Variants in WDR11 observed in about 807,000 individuals in gnomAD.
WDR11 encodes WD repeat-containing protein 11.
A neutral mutation model predicts 151.2 loss-of-function variants in WDR11; 83 were observed. The observed-to-expected ratio is 0.55, with a 90% CI of 0.46 to 0.66. The LOEUF (loss-of-function observed/expected upper bound fraction) is 0.66, where lower values mean the gene tolerates loss of function less well. WDR11 is among the 30% of genes least tolerant of loss of function. WDR11 has a pLI of 0.00. For synonymous variants in WDR11, 484 were observed against 533.1 expected, an observed-to-expected ratio of 0.91 and a Z score of 1.27; for missense variants, 1,301 against 1,480.9, an observed-to-expected ratio of 0.88 and a Z score of 1.99.
intron 2 of WDR11, 108 bp from the exon 3 acceptor site, chr10:120,858,535 G>A: frequency 7.5e-7 from 1 of 1,326,250 alleles, no homozygotes; most frequent in Non-Finnish European, 1.1e-6. Flanking sequence ...CTTGCTAAAT[G>A]TTTATGTAAT....
At position 120,904,809 on chromosome 10, in the gene WDR11, C is replaced by G; in HGVS notation, c.3191C>G (p.Ala1064Gly). 6.2e-7 allele frequency: 1 copy of G among 1,614,134 alleles called. No individual in the cohort carries two copies. The highest frequency in any genetic ancestry group is 8.5e-7 in the Non-Finnish European group (1 of 1,180,020). ...ATNMIANGKLAEGVQLLCLID... is the reference protein window; with the variant it reads ...ATNMIANGKLGEGVQLLCLID... ...AATATGATTGCCAATGGCAAATTGG[C>G]AGGTAAGGCACACTTGATATGTTTG... is the stretch of plus-strand genomic sequence containing the variant. The change falls in exon 25 of 29, where the codon GCA (alanine) becomes GGA (glycine). Residue 1064 changes from alanine (A) to glycine (G), a missense_variant and splice_region_variant. Physicochemically the swap from Ala to Gly is moderately conservative, Grantham distance 60. Around this residue, in one of 3 missense-constraint regions of WDR11, gnomAD observed 589 missense variants for 670.6 expected, o/e 0.88. Coordinates refer to ENST00000263461, the MANE Select transcript of WDR11 (RefSeq NM_018117.12).
chr10:120,899,286 A>G (rs554055158), intron 19 of WDR11, among the ~76,000 whole-genome samples: 4 of 152,294 alleles, frequency 2.6e-5, no homozygotes. Context: ...CACAGGTGGC[A>G]TGATCCCTTC....
In WDR11 at chr10:120,906,866, C is replaced by A; in HGVS notation, c.3517+11C>A. The A allele has an allele frequency of 6.2e-7, 1 of 1,614,050 alleles. No individual in the cohort carries two copies. Among genetic ancestry groups the A allele is most frequent in the Non-Finnish European group, 8.5e-7 (1 of 1,179,990 alleles). ...TCACTGAGGACACAGATATCCTTTG[C>A]AAGGTTGTTTGTAGTGACGAGGAAG... On this transcript the variant is annotated intron_variant, in intron 28 of 28. Transcript: ENST00000263461.
Position 120,878,430 on chromosome 10 carries a change from A to G in WDR11, c.1634A>G (p.Asn545Ser). The change falls in exon 12 of 29, where the codon AAT (asparagine) becomes AGT (serine). Residue 545 changes from asparagine (N) to serine (S), a missense_variant. This residue lies in a region of WDR11 where 692 missense variants were observed against 762.5 expected (regional missense o/e 0.91). Coordinates refer to ENST00000263461, the MANE Select transcript of WDR11 (RefSeq NM_018117.12). ...CCAAACAATATGGGATTAGTGAGAA[A>G]TGAACTTCAACTGGTTGATCTTCCA... ...STPNNMGLVR[N>S]ELQLVDLPTG... is the part of the protein sequence containing the mutation. The G allele has an allele frequency of 6.2e-7, 1 of 1,613,316 alleles. No individual in the cohort carries two copies. The highest frequency in any genetic ancestry group is 8.5e-7 in the Non-Finnish European group (1 of 1,179,548).
intron 23 of WDR11, 24 bp downstream of exon 23, chr10:120,903,256 C>T (rs1847898350): frequency 1.2e-6 from 2 of 1,613,168 alleles, no homozygotes; most frequent in Admixed American, 1.7e-5. Context: ...CACAGCAAAA[C>T]CTTTAGAGCT....
At chr10:120,874,205 G>GTTTTTTTTTTTTTTTTTT (rs1564703329) in intron 11 of WDR11, among the ~76,000 whole-genome samples, 1 of 78,516 alleles carries the variant, frequency 1.3e-5, no homozygotes, top group Non-Finnish European at 2.6e-5. Flanking sequence ...TGTTGTTGTT[G>GTTTTTTTTTTTTTTTTTT]TTGTTTGTTT....
Position 120,860,649 on chromosome 10 carries a change from T to G in WDR11, c.526+367T>G, listed in dbSNP as rs17100996. Among the ~76,000 whole-genome samples the G allele has an allele frequency of 9.3e-4, 141 of 152,284 alleles. 2 individuals are homozygous for G. The East Asian group carries it at 0.026, about 28-fold the overall frequency. ...TCATTCAGTCTGTGGCCAAGTTAAG[T>G]TCTTGCTTTTTAATAAATTGTCCTA... On this transcript the variant is annotated intron_variant, in intron 4 of 28. Transcript: ENST00000263461.
rs1248482644 is a variant in WDR11 at position 120,885,320 on chromosome 10, C to G, written c.1849-494C>G. ...ACACACACACACACACATATAAACA[C>G]AATACTATTTAGGTAAATTAGATAA... On this transcript the variant is annotated intron_variant, in intron 14 of 28. Transcript: ENST00000263461. Among the ~76,000 whole-genome samples the G allele has an allele frequency of 1.3e-5, 2 of 151,074 alleles. 1 individual carries two copies.
At position 120,909,195 on chromosome 10, in the gene WDR11, C is replaced by T. The variant is rs948348059; in HGVS notation, c.*482C>T. On this transcript the variant is annotated 3_prime_UTR_variant, in exon 29 of 29. Coordinates refer to ENST00000263461, the MANE Select transcript of WDR11 (RefSeq NM_018117.12). ...TTAAACTAGTATTAAAGGTAGTTTA[C>T]CAAAGCATTTTTTGTTTTCTTACCT... 2 of 159,028 alleles carry T rather than the reference C, an allele frequency of 1.3e-5. No individual in the cohort carries two copies. Among genetic ancestry groups the T allele is most frequent in the Non-Finnish European group, 2.8e-5 (2 of 71,654 alleles). The allele number at this position is 159,028 out of a possible 1,614,324, so 9.9% of individuals were successfully genotyped here.
intron 27 of WDR11, chr10:120,906,551 A>G (rs1237590546): frequency 5.7e-6 from 8 of 1,399,162 alleles, no homozygotes; most frequent in Non-Finnish European, 6.5e-6. Flanking sequence ...TATTTAAACT[A>G]TTTCACAATT....
At chr10:120,898,505 C>T (rs6585674) in intron 19 of WDR11, among the ~76,000 whole-genome samples, 56,589 of 151,972 alleles carry the variant, frequency 0.37, 10,633 homozygotes, top group Admixed American at 0.44. Context: ...TTGCACAGTC[C>T]AGAGTTGATG....
Position 120,859,929 on chromosome 10 carries a change from A to T in WDR11, c.353-180A>T, listed in dbSNP as rs561356800. ...ACCAGACAACTTATTTTTATATAGA[A>T]TTAGTTTTTTCTCTGGAATATTGAT... On this transcript the variant is annotated intron_variant, in intron 3 of 28. Coordinates refer to ENST00000263461, the MANE Select transcript of WDR11 (RefSeq NM_018117.12). Among the ~76,000 whole-genome samples, 18 of 146,570 alleles carry T rather than the reference A, an allele frequency of 1.2e-4. No individual in the cohort carries two copies. In the East Asian group the frequency reaches 3.4e-3, roughly 27 times the overall value.
chr10:120,895,228 T>C (rs942826634), intron 19 of WDR11, among the ~76,000 whole-genome samples: 1 of 152,210 alleles, frequency 6.6e-6, no homozygotes, highest in African/African-American at 2.4e-5. Context: ...ACATTTACCA[T>C]TTCCAAACAT....
At chr10:120,906,296 T>G in intron 27 of WDR11, 2 of 1,317,016 alleles carry the variant, frequency 1.5e-6, no homozygotes, top group Non-Finnish European at 1.9e-6. Flanking sequence ...AGAATTGGGG[T>G]CCATTCAGCT....
At position 120,909,118 on chromosome 10, in the gene WDR11, G is replaced by A. The variant is rs1848189592; in HGVS notation, c.*405G>A. 4.0e-6 allele frequency: 1 copy of A among 247,074 alleles called. No homozygotes were observed. The highest frequency in any genetic ancestry group is 5.1e-5 in the Admixed American group (1 of 19,514). 15.3% of individuals were successfully genotyped at this position (247,074 alleles called of 1,614,324 possible). ...AGATGTTTTCTCAAATATATGCTGT[G>A]CCTGTACTTATATACAGTCTTTCAA... On this transcript the variant is annotated 3_prime_UTR_variant, in exon 29 of 29. Transcript: ENST00000263461.
At chr10:120,877,454 C>G (rs1846834397) in intron 11 of WDR11, among the ~76,000 whole-genome samples, 1 of 152,008 alleles carries the variant, frequency 6.6e-6, no homozygotes. Flanking sequence ...AAGAAAATTT[C>G]ACAGAAATAC....
chr10:120,871,565 A>T (rs1301721234), intron 10 of WDR11, among the ~76,000 whole-genome samples: 1 of 151,932 alleles, frequency 6.6e-6, no homozygotes, highest in African/African-American at 2.4e-5. Flanking sequence ...GTCTTCATCC[A>T]CCTGAGACTG....
chr10:120,855,353 A>G (rs184159872), intron 2 of WDR11, among the ~76,000 whole-genome samples: 1 of 152,216 alleles, frequency 6.6e-6, no homozygotes, highest in East Asian at 1.9e-4. Flanking sequence ...CTATTCAGAA[A>G]AGCGCATAAT....
At chr10:120,869,484 G>T (rs965171463) in intron 9 of WDR11, among the ~76,000 whole-genome samples, 1 of 150,652 alleles carries the variant, frequency 6.6e-6, no homozygotes, top group African/African-American at 2.4e-5. Flanking sequence ...TGATTTTAAA[G>T]TGTTAAATAA....
Sources: allele counts gnomAD v4.1 joint callset (sites outside exome capture counted in the v4.1 genomes callset), GRCh38; gene constraint gnomAD v4.1.1; regional missense constraint gnomAD v4.1.1; transcripts MANE v1.5; gene names NCBI Gene and HGNC (gene_info 2026-07-23, HGNC 2026-07-21).